The following CDH6 variants were observed in gnomAD, a reference collection of about 807,000 sequenced individuals.
CDH6 encodes cadherin-6.
CDH6 carries 31 observed loss-of-function variants against 78.0 expected under a neutral mutation model. That is an observed-to-expected ratio of 0.40 (90% confidence interval 0.30 to 0.54). The LOEUF (loss-of-function observed/expected upper bound fraction) is 0.54. Among genes scored for constraint, CDH6 ranks in the 20% least tolerant of loss-of-function variants. The pLI is 0.56. For missense variants in CDH6, 724 were observed against 975.9 expected, an observed-to-expected ratio of 0.74 and a Z score of 3.44; for synonymous variants, 376 against 368.8, an observed-to-expected ratio of 1.02 and a Z score of -0.23.
chr5:31,246,523 T>C (rs1351877573), intron 1 of CDH6, among the ~76,000 whole-genome samples: 1 of 152,098 alleles, frequency 6.6e-6, no homozygotes, highest in Non-Finnish European at 1.5e-5. Context: ...TTATCTGGTG[T>C]TTCTCCAGCG....
At position 31,203,353 on chromosome 5, in the gene CDH6, C is replaced by T. The variant is rs372236369; in HGVS notation, c.-129+9467C>T. ...TGCTGGTGCGCTGCACCCACTAACT[C>T]GTCATCTAGCATTAGGTATATCTCC... On this transcript the variant is annotated intron_variant, in intron 1 of 11. Transcript: ENST00000265071. Among the ~76,000 whole-genome samples the T allele has an allele frequency of 1.4e-3, 201 of 139,264 alleles. 1 individual carries two copies. The highest frequency in any genetic ancestry group is 7.1e-3 in the Middle Eastern group (2 of 282). 91.4% of individuals were successfully genotyped at this position (139,264 alleles called of 152,430 possible). A position where few individuals can be genotyped will look rare whatever the true frequency, so the allele number is the denominator to read the frequency against.
Position 31,267,361 on chromosome 5 carries a change from C to G in CDH6, c.-113C>G, listed in dbSNP as rs1265091767. ...TTCTTTCCAGATATCCTCTGAGAGC[C>G]AAGCAAAGAACATTAAGGAAGGAAG... On this transcript the variant is annotated 5_prime_UTR_variant, in exon 2 of 12. Coordinates refer to ENST00000265071, the MANE Select transcript of CDH6 (RefSeq NM_004932.4). 2.7e-6 allele frequency: 2 copies of G among 738,608 alleles called. No individual in the cohort carries two copies. The highest frequency in any genetic ancestry group is 4.6e-6 in the Non-Finnish European group (2 of 431,122). 45.8% of individuals were successfully genotyped at this position (738,608 alleles called of 1,614,324 possible). A position where few individuals can be genotyped will look rare whatever the true frequency, so the allele number is the denominator to read the frequency against.
intron 8 of CDH6, among the ~76,000 whole-genome samples, chr5:31,315,839 T>A (rs1188222089): frequency 1.3e-5 from 2 of 152,238 alleles, no homozygotes; most frequent in African/African-American, 4.8e-5. Flanking sequence ...CCTTTGGTCT[T>A]CTGGTGGTTC....
rs75842842 is a variant in CDH6, at chr5:31,328,257, G to A, written c.*4949G>A. ...CAAATGGGGTTAATCTGACAAACGA[G>A]GCATGGACCCAGCCTTGTGGAAAAA... On this transcript the variant is annotated 3_prime_UTR_variant, in exon 12 of 12. Transcript: ENST00000265071. 2.0e-3 allele frequency: 386 copies of A among 191,148 alleles called. No homozygotes were observed. The highest frequency in any genetic ancestry group is 3.1e-3 in the Non-Finnish European group (290 of 93,738). 11.8% of individuals were successfully genotyped at this position (191,148 alleles called of 1,614,324 possible). A position where few individuals can be genotyped will look rare whatever the true frequency, so the allele number is the denominator to read the frequency against.
At chr5:31,194,785 T>A (rs1466861385) in intron 1 of CDH6, among the ~76,000 whole-genome samples, 1 of 152,018 alleles carries the variant, frequency 6.6e-6, no homozygotes, top group Admixed American at 6.6e-5. Context: ...CAGAATTTAA[T>A]AAAAAGGGAC....
chr5:31,279,575 A>G (rs1561055307), intron 2 of CDH6, among the ~76,000 whole-genome samples: 1 of 152,166 alleles, frequency 6.6e-6, no homozygotes, highest in East Asian at 1.9e-4. Flanking sequence ...GCCTCAAAAA[A>G]TATATATATA....
At chr5:31,303,256 G>A (rs77791635) in intron 6 of CDH6, among the ~76,000 whole-genome samples, 3,144 of 152,174 alleles carry the variant, frequency 0.021, 107 homozygotes, top group African/African-American at 0.063. Flanking sequence ...TCCAGTCTAG[G>A]GGGAAAGAGA....
chr5:31,285,967 C>A (rs749526434), intron 2 of CDH6, among the ~76,000 whole-genome samples: 85 of 152,092 alleles, frequency 5.6e-4, no homozygotes, highest in Non-Finnish European at 8.1e-4. Flanking sequence ...AATTATCTGG[C>A]AATTTCAGGA....
At position 31,317,882 on chromosome 5, in the gene CDH6, G is replaced by A; in HGVS notation, c.1840G>A (p.Gly614Arg). 6.2e-7 allele frequency: 1 copy of A among 1,613,910 alleles called. No individual in the cohort carries two copies. The highest frequency in any genetic ancestry group is 1.1e-5 in the South Asian group (1 of 91,076). ...ALIHPTGLST[G>R]ALVAILLCIV... ...CATCCACCCCACGGGACTGAGCACG[G>A]GGGCTCTGGTTGCCATCCTTCTGTG... The change falls in exon 11 of 12, where the codon GGG becomes AGG. Residue 614 changes from glycine to arginine, a missense_variant. By Grantham distance (125) the Gly-to-Arg change is moderately radical. Transcript: ENST00000265071.
At chr5:31,210,435 C>T (rs1579816887) in intron 1 of CDH6, among the ~76,000 whole-genome samples, 2 of 152,128 alleles carry the variant, frequency 1.3e-5, no homozygotes, top group Middle Eastern at 3.4e-3. Context: ...ACCTGGAAGG[C>T]GGAGGTTGCA....
chr5:31,323,490 G>C lies in CDH6; in HGVS notation c.*182G>C. 1.5e-6 allele frequency: 1 copy of C among 656,768 alleles called. No homozygotes were observed. The highest frequency in any genetic ancestry group is 2.5e-5 in the South Asian group (1 of 39,658). The allele number at this position is 656,768 out of a possible 1,614,324, so 40.7% of individuals were successfully genotyped here. ...AGTACACTTTTATGAGCTTCCAAGG[G>C]GCAAATTTTTATTTTTTAGTGCATC... is the stretch of plus-strand genomic sequence containing the variant. On this transcript the variant is annotated 3_prime_UTR_variant, in exon 12 of 12. Coordinates refer to ENST00000265071, the MANE Select transcript of CDH6 (RefSeq NM_004932.4).
intron 9 of CDH6, 151 bp from the exon 10 acceptor site, chr5:31,317,224 A>G (rs2149959699): frequency 3.5e-6 from 2 of 565,842 alleles, no homozygotes; most frequent in Admixed American, 6.3e-5. Context: ...TTTCTAACCC[A>G]TAATAGAGCA....
chr5:31,317,831 A>T lies in CDH6; in HGVS notation c.1789A>T (p.Met597Leu), dbSNP rs779139243. The change falls in exon 11 of 12, where the codon ATG becomes TTG. Residue 597 changes from methionine to leucine, a missense_variant. Coordinates refer to ENST00000265071, the MANE Select transcript of CDH6 (RefSeq NM_004932.4). ...RVCACDHHGN[M>L]QSCHAEALIH... ...CTGTGCATGTGACCACCACGGGAACATGCAATCCTGCCATGCGGAGGCGCT... is the reference window on the plus strand; with the variant it reads ...CTGTGCATGTGACCACCACGGGAACTTGCAATCCTGCCATGCGGAGGCGCT... 3.7e-6 allele frequency: 6 copies of T among 1,614,110 alleles called. No homozygotes were observed. Among genetic ancestry groups the T allele is most frequent in the Admixed American group, 3.3e-5 (2 of 60,018 alleles).
At chr5:31,198,033 G>A (rs1209589652) in intron 1 of CDH6, among the ~76,000 whole-genome samples, 1 of 152,084 alleles carries the variant, frequency 6.6e-6, no homozygotes, top group African/African-American at 2.4e-5. Flanking sequence ...AAGGGAAGAG[G>A]GGAGAGTATA....
At chr5:31,247,557 G>T (rs1181662778) in intron 1 of CDH6, among the ~76,000 whole-genome samples, 2 of 152,128 alleles carry the variant, frequency 1.3e-5, no homozygotes, top group Non-Finnish European at 2.9e-5. Flanking sequence ...ACAGGCAATT[G>T]CCACTACAAT....
intron 7 of CDH6, 126 bp downstream of exon 7, chr5:31,305,553 A>G (rs1737968683): frequency 1.1e-6 from 1 of 914,648 alleles, no homozygotes; most frequent in Admixed American, 2.7e-5. Flanking sequence ...TTCCTGAAAA[A>G]ACTATTCTAA....
rs1369020155 is a variant in CDH6 at position 31,270,791 on chromosome 5, G to A, written c.228+3090G>A. ...CGCTTACTGCAGCCTCGACTTCCTGGGCTCAAGATGTCCTCCTGCCCCAAC... is the reference window on the plus strand; with the variant it reads ...CGCTTACTGCAGCCTCGACTTCCTGAGCTCAAGATGTCCTCCTGCCCCAAC... On this transcript the variant is annotated intron_variant, in intron 2 of 11. Coordinates refer to ENST00000265071, the MANE Select transcript of CDH6 (RefSeq NM_004932.4). Among the ~76,000 whole-genome samples, 9 of 151,742 alleles carry A rather than the reference G, an allele frequency of 5.9e-5. No homozygotes were observed. In the East Asian group the frequency reaches 1.7e-3, roughly 29 times the overall value.
At chr5:31,319,031 T>G in intron 11 of CDH6, 1 of 197,428 alleles carries the variant, frequency 5.1e-6, no homozygotes, top group East Asian at 7.9e-5. Flanking sequence ...ACTGACAGTG[T>G]GCAAAGACAA....
chr5:31,315,641 G>A (rs772864405), intron 8 of CDH6, among the ~76,000 whole-genome samples: 8 of 152,218 alleles, frequency 5.3e-5, no homozygotes, highest in Non-Finnish European at 8.8e-5. Context: ...ACTCTTTACC[G>A]TCTCTGTAAA....
Sources: gnomAD v4.1 joint callset for allele counts (sites outside exome capture counted in the v4.1 genomes callset) on GRCh38, gnomAD v4.1.1 for gene constraint, MANE v1.5 for transcripts, NCBI Gene and HGNC (gene_info 2026-07-23, HGNC 2026-07-21) for gene names.